ARHGAP22: variants seen among roughly 807,000 people sequenced by gnomAD.
ARHGAP22 encodes rho GTPase-activating protein 22.
In ARHGAP22, 48 loss-of-function variants were observed where a neutral mutation model predicts 59.1. The ratio of observed to expected loss-of-function variants is 0.81; its 90% CI spans 0.64 to 1.03. ARHGAP22 has a LOEUF of 1.03. Ranked by LOEUF, ARHGAP22 falls within the 50% of genes least tolerant of loss-of-function variation. The probability of loss-of-function intolerance (pLI) is 0.00; values close to 1 mark genes in which losing one functional copy is unlikely to be tolerated. For synonymous variants in ARHGAP22, 445 were observed against 416.4 expected, an observed-to-expected ratio of 1.07 and a Z score of -0.84; for missense variants, 1,015 against 958.7, an observed-to-expected ratio of 1.06 and a Z score of -0.78.
At position 48,539,290 on chromosome 10, in the gene ARHGAP22, C is replaced by CTTTTTTTTTTTTTTTTTTTTTTTTTTT. The variant is rs553835954; in HGVS notation, c.322+16172_322+16173insAAAAAAAAAAAAAAAAAAAAAAAAAAA. On this transcript the variant is annotated intron_variant, in intron 3 of 9. Coordinates refer to ENST00000249601, the MANE Select transcript of ARHGAP22 (RefSeq NM_021226.4). Reference sequence around the variant, plus strand: ...CTAACAATTAGTATGAGAAGGGTAACATTTTTTTTTTTTTTTTTTGAGACG... The same window carrying CTTTTTTTTTTTTTTTTTTTTTTTTTTT: ...CTAACAATTAGTATGAGAAGGGTAACTTTTTTTTTTTTTTTTTTTTTTTTTTTATTTTTTTTTTTTTTTTTTGAGACG... Among the ~76,000 whole-genome samples the CTTTTTTTTTTTTTTTTTTTTTTTTTTT allele has an allele frequency of 3.1e-5, 4 of 129,310 alleles. 2 individuals carry two copies. Among genetic ancestry groups the CTTTTTTTTTTTTTTTTTTTTTTTTTTT allele is most frequent in the Non-Finnish European group, 3.1e-5 (2 of 64,238 alleles). 84.8% of individuals were successfully genotyped at this position (129,310 alleles called of 152,430 possible).
intron 4 of ARHGAP22, among the ~76,000 whole-genome samples, chr10:48,473,863 G>C (rs988775321): frequency 2.1e-4 from 32 of 152,276 alleles, no homozygotes; most frequent in African/African-American, 7.7e-4. Context: ...AGACAACCAG[G>C]CAAGGGATAC....
At chr10:48,593,920 G>A (rs1374220966) in intron 1 of ARHGAP22, among the ~76,000 whole-genome samples, 2 of 152,216 alleles carry the variant, frequency 1.3e-5, no homozygotes, top group African/African-American at 4.8e-5. Context: ...TGGTGATAAT[G>A]TTCCTAAAGG....
chr10:48,643,898 A>C (rs915084689), intron 1 of ARHGAP22, among the ~76,000 whole-genome samples: 1 of 152,188 alleles, frequency 6.6e-6, no homozygotes, highest in Non-Finnish European at 1.5e-5. Context: ...CTGTAATCCC[A>C]GCACTTGGGG....
chr10:48,578,826 C>G (rs963873197), intron 2 of ARHGAP22, among the ~76,000 whole-genome samples: 15 of 152,026 alleles, frequency 9.9e-5, no homozygotes, highest in Non-Finnish European at 2.1e-4. Context: ...TCTCTGTTCC[C>G]CTTTTTTCTT....
intron 1 of ARHGAP22, among the ~76,000 whole-genome samples, chr10:48,645,071 C>T (rs1164328562): frequency 6.6e-6 from 1 of 152,072 alleles, no homozygotes; most frequent in African/African-American, 2.4e-5. Flanking sequence ...AAAAAGGGGA[C>T]ATAATATCAA....
chr10:48,465,502 G>A (rs1330409484), intron 4 of ARHGAP22, among the ~76,000 whole-genome samples: 1 of 152,232 alleles, frequency 6.6e-6, no homozygotes, highest in Non-Finnish European at 1.5e-5. Context: ...GACCACACCA[G>A]GCACCCAGGA....
intron 4 of ARHGAP22, among the ~76,000 whole-genome samples, chr10:48,462,159 T>C (rs917087779): frequency 6.6e-6 from 1 of 150,814 alleles, no homozygotes; most frequent in African/African-American, 2.4e-5. Flanking sequence ...TGTGCATGTG[T>C]GTGCACATGT....
chr10:48,556,652 G>A (rs891603737), intron 2 of ARHGAP22: 9 of 152,210 alleles, frequency 5.9e-5, no homozygotes, highest in African/African-American at 1.9e-4. Flanking sequence ...GAATAATAAA[G>A]TACTTTGTAG....
chr10:48,630,183 C>A (rs2061582933), intron 1 of ARHGAP22, among the ~76,000 whole-genome samples: 1 of 152,142 alleles, frequency 6.6e-6, no homozygotes, highest in Non-Finnish European at 1.5e-5. Flanking sequence ...CCTCCACCTC[C>A]CTGGTTCAAG....
chr10:48,585,251 TG>T (rs2059360821), intron 1 of ARHGAP22, among the ~76,000 whole-genome samples: 1 of 152,212 alleles, frequency 6.6e-6, no homozygotes, highest in Admixed American at 6.5e-5. Context: ...GTAGCACATT[TG>T]CTTGATACAC....
At chr10:48,640,117 G>A (rs974655099) in intron 1 of ARHGAP22, among the ~76,000 whole-genome samples, 5 of 152,132 alleles carry the variant, frequency 3.3e-5, no homozygotes, top group African/African-American at 7.2e-5. Flanking sequence ...TTTGAGGAAG[G>A]AGAATAAAGA....
At chr10:48,470,469 T>C (rs1294418800) in intron 4 of ARHGAP22, among the ~76,000 whole-genome samples, 1 of 152,186 alleles carries the variant, frequency 6.6e-6, no homozygotes, top group East Asian at 1.9e-4. Flanking sequence ...CTCAGGCTCC[T>C]GGGGCTCTGG....
At chr10:48,601,112 T>C (rs936808568) in intron 1 of ARHGAP22, among the ~76,000 whole-genome samples, 1 of 152,186 alleles carries the variant, frequency 6.6e-6, no homozygotes, top group African/African-American at 2.4e-5. Flanking sequence ...CTCAGAGCCA[T>C]GAAGGTGGTG....
intron 3 of ARHGAP22, among the ~76,000 whole-genome samples, chr10:48,554,096 C>T (rs190471927): frequency 6.6e-6 from 1 of 152,326 alleles, no homozygotes; most frequent in East Asian, 1.9e-4. Context: ...GCAGTTTTAC[C>T]ACAAAGATTC....
At chr10:48,590,292 T>G (rs1806438) in intron 1 of ARHGAP22, among the ~76,000 whole-genome samples, 102,712 of 151,906 alleles carry the variant, frequency 0.68, 35,113 homozygotes, top group East Asian at 0.99. Context: ...GACTGGCAGA[T>G]GTGGAGGCTG....
chr10:48,488,028 T>C (rs1212943316), intron 3 of ARHGAP22, among the ~76,000 whole-genome samples: 1 of 152,186 alleles, frequency 6.6e-6, no homozygotes. Flanking sequence ...CTCCAGTCTA[T>C]GCCACAGAGC....
chr10:48,622,106 C>A (rs2061304965), intron 1 of ARHGAP22, among the ~76,000 whole-genome samples: 1 of 152,054 alleles, frequency 6.6e-6, no homozygotes, highest in Non-Finnish European at 1.5e-5. Context: ...CTTGTCTCTG[C>A]CTTTAAATTG....
At chr10:48,599,099 C>A (rs57717969) in intron 1 of ARHGAP22, among the ~76,000 whole-genome samples, 17,939 of 152,090 alleles carry the variant, frequency 0.12, 3,518 homozygotes, top group African/African-American at 0.41. Flanking sequence ...ACTGCACATG[C>A]TAGGTGCAAT....
At chr10:48,633,485 G>A (rs1006537553) in intron 1 of ARHGAP22, among the ~76,000 whole-genome samples, 1 of 152,254 alleles carries the variant, frequency 6.6e-6, no homozygotes, top group Non-Finnish European at 1.5e-5. Flanking sequence ...GGTTTACCCT[G>A]TGCCTTTCCT....
Sources: gnomAD v4.1 joint callset for allele counts (sites outside exome capture counted in the v4.1 genomes callset) on GRCh38, gnomAD v4.1.1 for gene constraint, MANE v1.5 for transcripts, NCBI Gene and HGNC (gene_info 2026-07-23, HGNC 2026-07-21) for gene names.